The following XYLT1 variants were observed in gnomAD, a reference collection of about 807,000 sequenced individuals.
XYLT1 encodes the protein xylosyltransferase 1.
Under a neutral mutation model 91.3 loss-of-function variants are expected in XYLT1, and 36 were observed. The observed-to-expected ratio is 0.39, with a 90% CI of 0.30 to 0.52. The LOEUF is 0.52. XYLT1 is among the 20% of genes least tolerant of loss of function. XYLT1 has a pLI of 0.68. For synonymous variants in XYLT1, 588 were observed against 532.0 expected (o/e 1.11, Z -1.45); for missense variants, 1,242 against 1,284.5 (o/e 0.97, Z 0.51).
intron 2 of XYLT1, among the ~76,000 whole-genome samples, chr16:17,325,991 T>G (rs1480234790): frequency 6.6e-6 from 1 of 152,202 alleles, no homozygotes; most frequent in African/African-American, 2.4e-5. Context: ...CTGATTGTTT[T>G]CAAACAGCTT....
chr16:17,439,798 T>C (rs1260925070), intron 1 of XYLT1, among the ~76,000 whole-genome samples: 1 of 152,212 alleles, frequency 6.6e-6, no homozygotes, highest in African/African-American at 2.4e-5. Flanking sequence ...GTCATTTAAA[T>C]TGTGCCAAGG....
At chr16:17,299,123 T>C (rs1005573649) in intron 2 of XYLT1, among the ~76,000 whole-genome samples, 1 of 152,184 alleles carries the variant, frequency 6.6e-6, no homozygotes, top group African/African-American at 2.4e-5. Flanking sequence ...CCCTGGCACA[T>C]GACAGGCATT....
intron 2 of XYLT1, among the ~76,000 whole-genome samples, chr16:17,343,732 G>T (rs2141849220): frequency 6.6e-6 from 1 of 152,318 alleles, no homozygotes; most frequent in Admixed American, 6.5e-5. Flanking sequence ...GCTTCCCAAA[G>T]TGTTGGCATT....
At chr16:17,311,144 T>A (rs2034541553) in intron 2 of XYLT1, among the ~76,000 whole-genome samples, 1 of 152,134 alleles carries the variant, frequency 6.6e-6, no homozygotes, top group South Asian at 2.1e-4. Flanking sequence ...TAACAGCAAG[T>A]CACCAAGCTC....
intron 2 of XYLT1, among the ~76,000 whole-genome samples, chr16:17,333,448 GCTAC>G (rs1180516070): frequency 6.6e-6 from 1 of 152,090 alleles, no homozygotes; most frequent in Non-Finnish European, 1.5e-5. Context: ...GTGGCTGGTG[GCTAC>G]CATATGGGAC....
chr16:17,411,460 C>T lies in XYLT1; in HGVS notation c.364-53410G>A, dbSNP rs972149023. On this transcript the variant is annotated intron_variant, in intron 1 of 11. Transcript: ENST00000261381. ...ATCACCTTGGGCTGCTAAAAAAATG[C>T]CCAGTCACTAAAAAAAATTGCTTAG... Among the ~76,000 whole-genome samples the T allele has an allele frequency of 3.9e-5, 6 of 152,246 alleles. No homozygotes were observed. The South Asian group carries it at 1.2e-3, about 32-fold the overall frequency.
intron 5 of XYLT1, among the ~76,000 whole-genome samples, chr16:17,162,984 C>G (rs528123596): frequency 6.6e-6 from 1 of 152,286 alleles, no homozygotes; most frequent in Admixed American, 6.5e-5. Flanking sequence ...AATATCTGTG[C>G]CACAGTACTT....
At chr16:17,404,889 G>A (rs569488442) in intron 1 of XYLT1, among the ~76,000 whole-genome samples, 4 of 152,168 alleles carry the variant, frequency 2.6e-5, no homozygotes, top group East Asian at 1.9e-4. Context: ...GCAACCACGC[G>A]CATCTGCCCC....
At chr16:17,164,226 C>T (rs1277617234) in intron 5 of XYLT1, among the ~76,000 whole-genome samples, 6 of 151,626 alleles carry the variant, frequency 4.0e-5, no homozygotes, top group Non-Finnish European at 8.8e-5. Context: ...TTTCATATGT[C>T]TATTTAATTT....
chr16:17,338,690 TGCTCCCGTCTCA>T, intron 2 of XYLT1: 2 of 358,708 alleles, frequency 5.6e-6, no homozygotes, highest in Admixed American at 7.4e-5. Context: ...GTTCAAGCAA[TGCTCCCGTCTCA>T]GCTTCCAAAG....
intron 2 of XYLT1, among the ~76,000 whole-genome samples, chr16:17,342,974 TAAAAAC>T (rs1008207655): frequency 6.6e-6 from 1 of 152,094 alleles, no homozygotes; most frequent in Non-Finnish European, 1.5e-5. Context: ...AAAATGTTTA[TAAAAAC>T]AAAACATAAA....
chr16:17,275,967 G>A (rs2033966494), intron 2 of XYLT1, among the ~76,000 whole-genome samples: 1 of 152,138 alleles, frequency 6.6e-6, no homozygotes, highest in African/African-American at 2.4e-5. Flanking sequence ...AATAAGGAGA[G>A]GCGCCTGTAA....
intron 2 of XYLT1, among the ~76,000 whole-genome samples, chr16:17,279,530 G>T (rs2034026268): frequency 6.6e-6 from 1 of 152,192 alleles, no homozygotes; most frequent in African/African-American, 2.4e-5. Flanking sequence ...CAGGCTGGAA[G>T]TGAGCTGCCC....
chr16:17,356,179 C>T (rs1322473637), intron 2 of XYLT1, among the ~76,000 whole-genome samples: 1 of 152,070 alleles, frequency 6.6e-6, no homozygotes, highest in Non-Finnish European at 1.5e-5. Context: ...GAATCAAAAC[C>T]ACCCCCCGGT....
At chr16:17,412,753 C>T (rs1034100625) in intron 1 of XYLT1, among the ~76,000 whole-genome samples, 1 of 152,124 alleles carries the variant, frequency 6.6e-6, no homozygotes, top group Admixed American at 6.5e-5. Flanking sequence ...CCCAAGGAGA[C>T]CTAACAGAGA....
chr16:17,345,003 C>T (rs2035124823), intron 2 of XYLT1, among the ~76,000 whole-genome samples: 2 of 152,188 alleles, frequency 1.3e-5, no homozygotes, highest in African/African-American at 2.4e-5. Context: ...CTGCGCCCGG[C>T]CTAACACAGG....
At chr16:17,232,698 G>A (rs1362780476) in intron 3 of XYLT1, among the ~76,000 whole-genome samples, 1 of 151,746 alleles carries the variant, frequency 6.6e-6, no homozygotes, top group Non-Finnish European at 1.5e-5. Flanking sequence ...AGGTGGTGGT[G>A]ATGGTGATTC....
intron 2 of XYLT1, chr16:17,338,168 T>C (rs1024879622): frequency 1.1e-5 from 5 of 456,486 alleles, no homozygotes; most frequent in African/African-American, 6.0e-5. Flanking sequence ...CTGAACTGAA[T>C]GTCCCCTTTT....
intron 5 of XYLT1, among the ~76,000 whole-genome samples, chr16:17,166,938 T>C (rs1482598591): frequency 2.0e-5 from 3 of 152,210 alleles, no homozygotes; most frequent in African/African-American, 7.2e-5. Flanking sequence ...GTCAGGGTAC[T>C]CATGAGAAAA....
Sources: allele counts gnomAD v4.1 joint callset (sites outside exome capture counted in the v4.1 genomes callset), GRCh38; gene constraint gnomAD v4.1.1; transcripts MANE v1.5; gene names NCBI Gene and HGNC (gene_info 2026-07-23, HGNC 2026-07-21).